DIP2C: variants seen among roughly 807,000 people sequenced by gnomAD.
The protein encoded by DIP2C is disco-interacting protein 2 homolog C.
In DIP2C, 33 loss-of-function variants were observed where a neutral mutation model predicts 192.4. The observed-to-expected ratio is 0.17, with a 90% CI of 0.13 to 0.23. DIP2C has a LOEUF of 0.23. Among genes scored for constraint, DIP2C ranks in the 10% least tolerant of loss-of-function variants. The pLI, the probability that DIP2C is intolerant of heterozygous loss-of-function variation, is 1.00. For missense variants in DIP2C, 1,537 were observed against 2,110.1 expected, an observed-to-expected ratio of 0.73 and a Z score of 5.32; for synonymous variants, 979 against 864.1, an observed-to-expected ratio of 1.13 and a Z score of -2.33.
In DIP2C at chr10:616,892, A is replaced by G. The variant is rs532769831; in HGVS notation, c.85+72602T>C. Among the ~76,000 whole-genome samples, 7 of 152,338 alleles carry G rather than the reference A, an allele frequency of 4.6e-5. No individual in the cohort carries two copies. In the Middle Eastern group the frequency reaches 0.01, roughly 222 times the overall value. On this transcript the variant is annotated intron_variant, in intron 1 of 36. Coordinates refer to ENST00000280886, the MANE Select transcript of DIP2C (RefSeq NM_014974.3). Reference sequence around the variant, plus strand: ...GCAGGCTCTGAAAAGACAGATTCAGATAACAGGCCAGACAGGACAAGGATG... The same window carrying G: ...GCAGGCTCTGAAAAGACAGATTCAGGTAACAGGCCAGACAGGACAAGGATG...
chr10:617,565 T>C (rs1348036936), intron 1 of DIP2C, among the ~76,000 whole-genome samples: 2 of 151,966 alleles, frequency 1.3e-5, no homozygotes, highest in Non-Finnish European at 2.9e-5. Context: ...CTATTCCCAC[T>C]CCACCCACCT....
intron 3 of DIP2C, among the ~76,000 whole-genome samples, chr10:447,254 G>A (rs1968313951): frequency 6.7e-6 from 1 of 149,854 alleles, no homozygotes; most frequent in South Asian, 2.1e-4. Context: ...CAGTGGGGCA[G>A]TAGGACCCAA....
intron 31 of DIP2C, among the ~76,000 whole-genome samples, chr10:326,484 C>T (rs145825884): frequency 2.3e-3 from 355 of 152,326 alleles, no homozygotes; most frequent in Non-Finnish European, 4.0e-3. Flanking sequence ...GGAAGGAAAT[C>T]CGCAGCTCTG....
intron 2 of DIP2C, among the ~76,000 whole-genome samples, chr10:481,358 A>G (rs899656348): frequency 1.3e-5 from 2 of 152,224 alleles, no homozygotes; most frequent in Admixed American, 6.5e-5. Flanking sequence ...CACAACTGTC[A>G]AAGCCCAGTG....
At chr10:644,465 C>A (rs1191932517) in intron 1 of DIP2C, among the ~76,000 whole-genome samples, 2 of 152,292 alleles carry the variant, frequency 1.3e-5, no homozygotes, top group African/African-American at 4.8e-5. Context: ...GACTTGCCCA[C>A]AGCTGCAGGC....
At chr10:313,657 G>T (rs1362941619) in intron 31 of DIP2C, among the ~76,000 whole-genome samples, 1 of 152,242 alleles carries the variant, frequency 6.6e-6, no homozygotes, top group Non-Finnish European at 1.5e-5. Context: ...AGGGACCTGA[G>T]CATCTGCAGA....
chr10:349,928 A>C (rs1444170834), intron 24 of DIP2C, among the ~76,000 whole-genome samples: 2 of 152,186 alleles, frequency 1.3e-5, no homozygotes, highest in African/African-American at 2.4e-5. Context: ...AAAATAAACA[A>C]ACACACCCTA....
chr10:597,649 T>G (rs1283386447), intron 1 of DIP2C, among the ~76,000 whole-genome samples: 1 of 152,266 alleles, frequency 6.6e-6, no homozygotes, highest in Non-Finnish European at 1.5e-5. Context: ...GTTTGTTTCA[T>G]GATTTGCTCT....
At chr10:499,164 C>T (rs564649365) in intron 1 of DIP2C, among the ~76,000 whole-genome samples, 2 of 152,306 alleles carry the variant, frequency 1.3e-5, no homozygotes, top group African/African-American at 2.4e-5. Context: ...GTTCACCACA[C>T]GCGATGCTGA....
intron 4 of DIP2C, among the ~76,000 whole-genome samples, chr10:433,871 C>T (rs912817584): frequency 6.6e-6 from 1 of 151,942 alleles, no homozygotes; most frequent in African/African-American, 2.4e-5. Context: ...ATATTTGTTA[C>T]TATTTTCTAT....
chr10:597,161 G>C (rs1851758286), intron 1 of DIP2C, among the ~76,000 whole-genome samples: 1 of 152,196 alleles, frequency 6.6e-6, no homozygotes, highest in Non-Finnish European at 1.5e-5. Flanking sequence ...CACCTGTCTG[G>C]CTGCAGGCCA....
chr10:684,009 C>T (rs768740869), intron 1 of DIP2C, among the ~76,000 whole-genome samples: 1 of 152,244 alleles, frequency 6.6e-6, no homozygotes, highest in Non-Finnish European at 1.5e-5. Context: ...GCGGGAAGCG[C>T]GTGGCTCGGG....
At chr10:639,805 C>T (rs545182188) in intron 1 of DIP2C, among the ~76,000 whole-genome samples, 2 of 152,332 alleles carry the variant, frequency 1.3e-5, no homozygotes, top group East Asian at 3.9e-4. Context: ...ACACACAAAT[C>T]AGCGACATCA....
chr10:577,813 G>A (rs1366559449), intron 1 of DIP2C, among the ~76,000 whole-genome samples: 1 of 143,196 alleles, frequency 7.0e-6, no homozygotes, highest in Non-Finnish European at 1.5e-5. Flanking sequence ...TGTTTCTTTT[G>A]TTTTTTTGTG....
chr10:541,491 G>A (rs1202820431), intron 1 of DIP2C, among the ~76,000 whole-genome samples: 4 of 83,424 alleles, frequency 4.8e-5, no homozygotes, highest in South Asian at 8.4e-4. Flanking sequence ...TATCTCTCCT[G>A]GATCCCACAG....
At chr10:410,764 T>C (rs979244150) in intron 8 of DIP2C, among the ~76,000 whole-genome samples, 3 of 152,214 alleles carry the variant, frequency 2.0e-5, no homozygotes, top group African/African-American at 7.2e-5. Context: ...ATACACAAGC[T>C]AGTTAACAAT....
At chr10:560,372 C>T (rs1470211777) in intron 1 of DIP2C, among the ~76,000 whole-genome samples, 1 of 151,684 alleles carries the variant, frequency 6.6e-6, no homozygotes, top group Non-Finnish European at 1.5e-5. Context: ...ACAAGCTAAA[C>T]ACAACCATTT....
At chr10:300,940 A>G (rs189501014) in intron 32 of DIP2C, among the ~76,000 whole-genome samples, 1 of 152,394 alleles carries the variant, frequency 6.6e-6, no homozygotes, top group African/African-American at 2.4e-5. Flanking sequence ...TTATTAAATC[A>G]TAAAAGACAT....
intron 1 of DIP2C, among the ~76,000 whole-genome samples, chr10:549,165 C>A (rs777786712): frequency 6.6e-6 from 1 of 152,130 alleles, no homozygotes; most frequent in South Asian, 2.1e-4. Flanking sequence ...GCAAAATTCA[C>A]GTTCAAATTC....
Sources: allele counts gnomAD v4.1 joint callset (sites outside exome capture counted in the v4.1 genomes callset), GRCh38; gene constraint gnomAD v4.1.1; transcripts MANE v1.5; gene names NCBI Gene and HGNC (gene_info 2026-07-23, HGNC 2026-07-21).